ATP4A: variants seen among roughly 807,000 people sequenced by gnomAD.
ATP4A encodes the protein potassium-transporting ATPase alpha chain 1.
In ATP4A, 73 loss-of-function variants were observed where a neutral mutation model predicts 112.1. The observed-to-expected ratio is 0.65, with a 90% CI of 0.54 to 0.79. ATP4A has a LOEUF of 0.79. Ranked by LOEUF, ATP4A falls within the 30% of genes least tolerant of loss-of-function variation. ATP4A has a pLI of 0.00. For synonymous variants in ATP4A, 588 were observed against 588.9 expected, an observed-to-expected ratio of 1.00 and a Z score of 0.02; for missense variants, 1,081 against 1,425.9, an observed-to-expected ratio of 0.76 and a Z score of 3.90.
In ATP4A at chr19:35,560,520, C is replaced by A; in HGVS notation, c.630G>T (p.Val210=). Residue 210 remains valine, a synonymous_variant, in exon 6 of 22, where the codon GTG becomes GTT. Transcript: ENST00000262623. This position sits in a 1 kb window ranked among gnomAD's most constrained non-coding sequence, Gnocchi z 5.1. ...DLVEMKGGDR[V]PADIRILAAQ... ...CCGCCAGGATGCGGATGTCGGCGGG[C>A]ACTCTGTCCCCACCTTTCATCTCCA... 6.2e-7 allele frequency: 1 copy of A among 1,613,534 alleles called. No individual in the cohort carries two copies.
chr19:35,552,587 C>T (rs1018468468), intron 18 of ATP4A, among the ~76,000 whole-genome samples: 1 of 152,170 alleles, frequency 6.6e-6, no homozygotes, highest in Non-Finnish European at 1.5e-5. Flanking sequence ...GGCAGTCTGG[C>T]TTCAGTGTCT....
chr19:35,553,549 CACAA>C (rs761795172), intron 17 of ATP4A, among the ~76,000 whole-genome samples, 153 bp downstream of exon 17: 17 of 152,204 alleles, frequency 1.1e-4, no homozygotes, highest in Non-Finnish European at 2.5e-4. Context: ...GAGAGACTGT[CACAA>C]ACAGAGAGGG....
At position 35,555,309 on chromosome 19, in the gene ATP4A, T is replaced by TC; in HGVS notation, c.2182dup (p.Asp728GlyfsTer5). The TC allele has an allele frequency of 6.2e-7, 1 of 1,613,862 alleles. No individual in the cohort carries two copies. Among genetic ancestry groups the TC allele is most frequent in the Non-Finnish European group, 8.5e-7 (1 of 1,179,902 alleles). ...CAGAGCTGGGGAGTCATTCACACCA[T>TC]CCCCCGTGACGGCCACAATCGCACC... On this transcript the variant is annotated frameshift_variant, in exon 15 of 22. Transcript: ENST00000262623. LOFTEE classifies it high-confidence loss of function. This position sits in a 1 kb window ranked among gnomAD's most constrained non-coding sequence, Gnocchi z 6.6.
chr19:35,557,733 G>A lies in ATP4A; in HGVS notation c.1615C>T (p.Leu539=). The A allele has an allele frequency of 3.7e-6, 6 of 1,606,824 alleles. No homozygotes were observed. Among genetic ancestry groups the A allele is most frequent in the Non-Finnish European group, 5.1e-6 (6 of 1,176,452 alleles). The change falls in exon 11 of 22, where the codon CTG becomes TTG. Residue 539 remains leucine (L), a synonymous_variant. Transcript: ENST00000262623. This position sits in a 1 kb window ranked among gnomAD's most constrained non-coding sequence, Gnocchi z 4.4. ...TCGCGCCACTGCTCGTCCAGCGGCA[G>A]CTCCTGGCCCTTGATAAGGATGGAG... The part of the protein sequence containing the change: ...CSSILIKGQE[L]PLDEQWREAF...
Position 35,551,326 on chromosome 19 carries a change from G to T in ATP4A, c.2885+121C>A. On this transcript the variant is annotated intron_variant, in intron 19 of 21. Transcript: ENST00000262623. The surrounding 1 kb of genome is among the most constrained non-coding windows in gnomAD (Gnocchi z 5.2). The stretch of plus-strand genomic sequence containing the variant: ...TTGGCCAGTTAGAAAGGTTTTTTTG[G>T]CATGTCACCATCTGGCACTGGCACC... The T allele has an allele frequency of 1.3e-6, 2 of 1,494,068 alleles. No homozygotes were observed. The highest frequency in any genetic ancestry group is 2.3e-5 in the East Asian group (1 of 42,868). The allele number at this position is 1,494,068 out of a possible 1,614,324, so 92.6% of individuals were successfully genotyped here. A position where few individuals can be genotyped will look rare whatever the true frequency, so the allele number is the denominator to read the frequency against.
At position 35,555,063 on chromosome 19, in the gene ATP4A, G is replaced by A. The variant is rs150792532; in HGVS notation, c.2340C>T (p.Phe780=). The part of the protein sequence containing the change: ...VTGVEQGRLI[F]DNLKKSIAYT... ...AGGCAATAGACTTCTTCAGGTTGTC[G>A]AAGATCAGTCGACCTGTGGGGTAGG... The change falls in exon 16 of 22, where the codon TTC becomes TTT. Residue 780 remains phenylalanine, a synonymous_variant. Coordinates refer to ENST00000262623, the MANE Select transcript of ATP4A (RefSeq NM_000704.3). This position sits in a 1 kb window ranked among gnomAD's most constrained non-coding sequence, Gnocchi z 6.6. 3.1e-4 allele frequency: 500 copies of A among 1,613,474 alleles called. 2 individuals are homozygous for A. Among genetic ancestry groups the A allele is most frequent in the East Asian group, 5.3e-4 (24 of 44,878 alleles).
rs2071597692 is a variant in ATP4A, at chr19:35,550,887, A to G, written c.3026T>C (p.Leu1009Pro). 6.2e-7 allele frequency: 1 copy of G among 1,614,084 alleles called. No homozygotes were observed. The highest frequency in any genetic ancestry group is 8.5e-7 in the Non-Finnish European group (1 of 1,180,024). ...WWLVPLPYGI[L>P]IFVYDEIRKL... ...CCGGATCTCATCATAGACGAAGATGAGGATGCCGTAGGGCAGGGGGACCAG... is the reference window on the plus strand; with the variant it reads ...CCGGATCTCATCATAGACGAAGATGGGGATGCCGTAGGGCAGGGGGACCAG... The change falls in exon 21 of 22, where the codon CTC (leucine) becomes CCC (proline). Residue 1009 changes from leucine to proline, a missense_variant. Physicochemically the swap from Leu to Pro is moderately conservative, Grantham distance 98 (BLOSUM62 -3). Transcript: ENST00000262623. This position sits in a 1 kb window ranked among gnomAD's most constrained non-coding sequence, Gnocchi z 4.1.
Position 35,558,213 on chromosome 19 carries a change from G to C in ATP4A, c.1500+149C>G. ...CGGGGCCTTGCCTCTGGTGGACGGGGCCATAGGCGGAGCGGGAGATGGGGT... is the reference window on the plus strand; with the variant it reads ...CGGGGCCTTGCCTCTGGTGGACGGGCCCATAGGCGGAGCGGGAGATGGGGT... On this transcript the variant is annotated intron_variant, in intron 10 of 21. Coordinates refer to ENST00000262623, the MANE Select transcript of ATP4A (RefSeq NM_000704.3). The surrounding 1 kb of genome is among the most constrained non-coding windows in gnomAD (Gnocchi z 5.1). 1 of 1,081,014 alleles carries C rather than the reference G, an allele frequency of 9.3e-7. No homozygotes were observed. The allele number at this position is 1,081,014 out of a possible 1,614,324, so 67.0% of individuals were successfully genotyped here.
In ATP4A at chr19:35,551,823, T is replaced by C. The variant is rs1258629961; in HGVS notation, c.2752-243A>G. ...CTTGGATGACAGTGGCCGGGAAAAC[T>C]GTAGGCTGGGCCGACTGCTTTCATA... On this transcript the variant is annotated intron_variant, in intron 18 of 21. Transcript: ENST00000262623. The surrounding 1 kb of genome is among the most constrained non-coding windows in gnomAD (Gnocchi z 5.2). Among the ~76,000 whole-genome samples the C allele has an allele frequency of 6.6e-6, 1 of 152,010 alleles. No homozygotes were observed. Among genetic ancestry groups the C allele is most frequent in the East Asian group, 1.9e-4 (1 of 5,176 alleles).
chr19:35,554,519 C>T (rs530260965), intron 16 of ATP4A, among the ~76,000 whole-genome samples: 3 of 152,276 alleles, frequency 2.0e-5, no homozygotes, highest in East Asian at 1.9e-4. Flanking sequence ...TGGCTGCATT[C>T]GTGACTGTAT....
chr19:35,550,437 G>A lies in ATP4A; in HGVS notation c.*178C>T, dbSNP rs2071594720. 1 of 768,422 alleles carries A rather than the reference G, an allele frequency of 1.3e-6. No individual in the cohort carries two copies. Among genetic ancestry groups the A allele is most frequent in the African/African-American group, 1.8e-5 (1 of 56,948 alleles). The allele number at this position is 768,422 out of a possible 1,614,324, so 47.6% of individuals were successfully genotyped here. On this transcript the variant is annotated 3_prime_UTR_variant, in exon 22 of 22. Coordinates refer to ENST00000262623, the MANE Select transcript of ATP4A (RefSeq NM_000704.3). This position sits in a 1 kb window ranked among gnomAD's most constrained non-coding sequence, Gnocchi z 4.1. ...TCCAGGAGGTGCGAACCTTGGGAATGGGGGAGGGGAGTGGGCAGGTCCCTC... is the reference window on the plus strand; with the variant it reads ...TCCAGGAGGTGCGAACCTTGGGAATAGGGGAGGGGAGTGGGCAGGTCCCTC...
chr19:35,555,952 G>C lies in ATP4A; in HGVS notation c.1870-140C>G. ...TCCTACGTGCCTGGGATATAGCAGA[G>C]ACAAAAGAGACAAAAATCCCTGTCC... On this transcript the variant is annotated intron_variant, in intron 12 of 21. Transcript: ENST00000262623. This position sits in a 1 kb window ranked among gnomAD's most constrained non-coding sequence, Gnocchi z 6.6. 2 of 1,160,568 alleles carry C rather than the reference G, an allele frequency of 1.7e-6. No homozygotes were observed. The highest frequency in any genetic ancestry group is 2.6e-5 in the Admixed American group (1 of 38,216). The allele number at this position is 1,160,568 out of a possible 1,614,324, so 71.9% of individuals were successfully genotyped here.
chr19:35,563,594 C>T lies in ATP4A; in HGVS notation c.12+24G>A, dbSNP rs759473703. 8 of 1,613,792 alleles carry T rather than the reference C, an allele frequency of 5.0e-6. No individual in the cohort carries two copies. In the Admixed American group the frequency reaches 6.7e-5, roughly 13 times the overall value. On this transcript the variant is annotated intron_variant, in intron 1 of 21. Transcript: ENST00000262623. ...ACTGCAACCCCTGTCCCCACTGCAC[C>T]CCGGACCCCTGGGCCCCACTCACGG...
rs746470011 is a variant in ATP4A at position 35,550,694 on chromosome 19, C to T, written c.3080-51G>A. On this transcript the variant is annotated intron_variant, in intron 21 of 21. Coordinates refer to ENST00000262623, the MANE Select transcript of ATP4A (RefSeq NM_000704.3). The surrounding 1 kb of genome is among the most constrained non-coding windows in gnomAD (Gnocchi z 4.1). ...CTCAGTGCTGGGGGTGCCACTTAGG[C>T]AGGGCCAGGGGCTCAGAGGTCAGTG... The T allele has an allele frequency of 5.0e-6, 8 of 1,612,706 alleles. No homozygotes were observed. The South Asian group carries it at 8.8e-5, about 18-fold the overall frequency.
chr19:35,563,520 T>C lies in ATP4A; in HGVS notation c.20A>G (p.Tyr7Cys), dbSNP rs556907049. The change falls in exon 2 of 22, where the codon TAT becomes TGT. Residue 7 changes from tyrosine to cysteine, a missense_variant. Tyr to Cys is a radical substitution (Grantham distance 194, BLOSUM62 -2). This residue lies in a region of ATP4A where 850 missense variants were observed against 1,068.2 expected (regional missense o/e 0.80). Coordinates refer to ENST00000262623, the MANE Select transcript of ATP4A (RefSeq NM_000704.3). ...ACCCAGCTCCACCGAGTAGAGCTCA[T>C]AGTTCTCCTGGGAATGGACAGGATG... The part of the protein sequence containing the change: MGKAEN[Y>C]ELYSVELGPG... 6.2e-7 allele frequency: 1 copy of C among 1,612,876 alleles called. No homozygotes were observed. The highest frequency in any genetic ancestry group is 8.5e-7 in the Non-Finnish European group (1 of 1,179,406).
intron 18 of ATP4A, among the ~76,000 whole-genome samples, chr19:35,552,707 C>A (rs887318153): frequency 6.6e-6 from 1 of 152,194 alleles, no homozygotes; most frequent in South Asian, 2.1e-4. Flanking sequence ...GTGCTCCAAA[C>A]CTTCATTAAA....
chr19:35,562,298 A>G (rs943119382), intron 4 of ATP4A, 137 bp downstream of exon 4: 16 of 1,056,318 alleles, frequency 1.5e-5, no homozygotes, highest in Non-Finnish European at 2.2e-5. Context: ...TTCACCCTCC[A>G]TGACCCCTGT....
rs755718618 is a variant in ATP4A at position 35,558,709 on chromosome 19, G to A, written c.1256-23C>T. On this transcript the variant is annotated intron_variant, in intron 8 of 21. Coordinates refer to ENST00000262623, the MANE Select transcript of ATP4A (RefSeq NM_000704.3). This position sits in a 1 kb window ranked among gnomAD's most constrained non-coding sequence, Gnocchi z 5.1. ...GCCCTGCAGACCAGGCGTCCAGGCT[G>A]GGTCCCGCACGGCGGCTCTCCCGGA... 6.4e-7 allele frequency: 1 copy of A among 1,566,480 alleles called. No individual in the cohort carries two copies. The highest frequency in any genetic ancestry group is 8.6e-7 in the Non-Finnish European group (1 of 1,158,546).
chr19:35,557,202 C>A lies in ATP4A; in HGVS notation c.1694-114G>T, dbSNP rs1338597785. On this transcript the variant is annotated intron_variant, in intron 11 of 21. Transcript: ENST00000262623. The surrounding 1 kb of genome is among the most constrained non-coding windows in gnomAD (Gnocchi z 4.4). The stretch of plus-strand genomic sequence containing the variant: ...GCACCAAACACCTATGGATGCCTGA[C>A]CTTGTGCTGACCCCTTCACTCACAT... 5 of 1,213,784 alleles carry A rather than the reference C, an allele frequency of 4.1e-6. No individual in the cohort carries two copies. The highest frequency in any genetic ancestry group is 5.8e-6 in the Non-Finnish European group (5 of 858,434). 75.2% of individuals were successfully genotyped at this position (1,213,784 alleles called of 1,614,324 possible). A position where few individuals can be genotyped will look rare whatever the true frequency, so the allele number is the denominator to read the frequency against.
Sources: allele counts gnomAD v4.1 joint callset (sites outside exome capture counted in the v4.1 genomes callset), GRCh38; gene constraint gnomAD v4.1.1; regional missense constraint gnomAD v4.1.1; non-coding constraint Gnocchi (gnomAD v3.1); transcripts MANE v1.5; gene names NCBI Gene and HGNC (gene_info 2026-07-23, HGNC 2026-07-21).